The following FGF17 variants were observed in gnomAD, a reference collection of about 807,000 sequenced individuals.
FGF17 encodes the protein fibroblast growth factor 17.
A neutral mutation model predicts 23.5 loss-of-function variants in FGF17; 5 were observed. That is an observed-to-expected ratio of 0.21 (90% confidence interval 0.11 to 0.45). The LOEUF is 0.45. Ranked by LOEUF, FGF17 falls within the 20% of genes least tolerant of loss-of-function variation. The pLI, the probability that FGF17 is intolerant of heterozygous loss-of-function variation, is 0.99. For synonymous variants in FGF17, 136 were observed against 123.0 expected (o/e 1.11, Z -0.70); for missense variants, 221 against 306.9 (o/e 0.72, Z 2.09).
At position 22,043,181 on chromosome 8, in the gene FGF17, G is replaced by T; in HGVS notation, c.72G>T (p.Gln24His). Residue 24 changes from glutamine to histidine, a missense_variant and splice_region_variant, in exon 2 of 5, where the codon CAG becomes CAT. By Grantham distance (24) the Gln-to-His change is conservative. Around this residue, in one of 3 missense-constraint regions of FGF17, gnomAD observed 35 missense variants for 35.5 expected, o/e 0.99. Transcript: ENST00000359441. ...TGCTGATTCTCTGCTGTCAAACTCA[G>T]GTAGGCGGGCATTCCCACCGGCTTT... ...LQLLILCCQT[Q>H]GENHPSPNFN... 6.2e-7 allele frequency: 1 copy of T among 1,613,544 alleles called. No homozygotes were observed. Among genetic ancestry groups the T allele is most frequent in the East Asian group, 2.2e-5 (1 of 44,880 alleles).
intron 2 of FGF17, among the ~76,000 whole-genome samples, chr8:22,043,994 A>G (rs535307442): frequency 7.9e-5 from 12 of 151,818 alleles, no homozygotes; most frequent in Non-Finnish European, 1.0e-4. Context: ...GCAGCCTTTG[A>G]AGCAGTGGGG....
chr8:22,042,803 C>G (rs1348926952), upstream of FGF17: 11 of 879,394 alleles, frequency 1.3e-5, no homozygotes, highest in Admixed American at 2.3e-4. Flanking sequence ...CTCTCCTCCT[C>G]GCCCCCCTGA....
intron 2 of FGF17, chr8:22,044,966 G>C: frequency 3.0e-6 from 3 of 985,816 alleles, no homozygotes; most frequent in Non-Finnish European, 3.6e-6. Context: ...GCTGAGAAAA[G>C]CTGTCCCAGC....
upstream of FGF17, chr8:22,042,748 T>A (rs928981137): frequency 2.4e-5 from 14 of 593,406 alleles, no homozygotes; most frequent in African/African-American, 5.6e-5. Flanking sequence ...TACGCCCTCC[T>A]CCTCCCCCTC....
At position 22,048,297 on chromosome 8, in the gene FGF17, TC is replaced by T; in HGVS notation, c.*51del. ...CCCCTGGGCCGCCTCCCCACCCCTT[TC>T]CCTTCTTAATCCAAGGACTGGGCTG... On this transcript the variant is annotated 3_prime_UTR_variant, in exon 5 of 5. Transcript: ENST00000359441. The surrounding 1 kb of genome is among the most constrained non-coding windows in gnomAD (Gnocchi z 6.9). 1 of 1,449,792 alleles carries T rather than the reference TC, an allele frequency of 6.9e-7. No individual in the cohort carries two copies. The allele number at this position is 1,449,792 out of a possible 1,614,324, so 89.8% of individuals were successfully genotyped here. A position where few individuals can be genotyped will look rare whatever the true frequency, so the allele number is the denominator to read the frequency against.
upstream of FGF17, chr8:22,042,756 C>T (rs943236687): frequency 1.6e-6 from 1 of 638,248 alleles, no homozygotes; most frequent in Non-Finnish European, 2.8e-6. Context: ...CCTCCTCCCC[C>T]TCCTCCTCCC....
At chr8:22,044,655 C>T in intron 2 of FGF17, 1 of 984,276 alleles carries the variant, frequency 1.0e-6, no homozygotes, top group African/African-American at 1.7e-5. Context: ...CTGGGCAGGT[C>T]CCCCACCCCA....
upstream of FGF17, among the ~76,000 whole-genome samples, chr8:22,040,855 A>C (rs1800726261): frequency 6.6e-6 from 1 of 152,174 alleles, no homozygotes; most frequent in Non-Finnish European, 1.5e-5. Flanking sequence ...GTGAGGTTGA[A>C]GGTTTCTCAG....
intron 4 of FGF17, among the ~76,000 whole-genome samples, chr8:22,046,950 A>ATTTTT (rs3038873): frequency 0.094 from 11,336 of 120,126 alleles, 827 homozygotes; most frequent in South Asian, 0.13. Context: ...TGCCCAGCTA[A>ATTTTT]TTTTTTTTTT....
At chr8:22,045,386 CCTG>C in intron 2 of FGF17, 1 of 988,594 alleles carries the variant, frequency 1.0e-6, no homozygotes, top group Non-Finnish European at 1.2e-6. Flanking sequence ...ACCTTGCCTG[CCTG>C]CTGTCCCATA....
chr8:22,045,095 G>A lies in FGF17; in HGVS notation c.73-1019G>A, dbSNP rs985572754. 6.1e-6 allele frequency: 6 copies of A among 985,452 alleles called. No individual in the cohort carries two copies. In the African/African-American group the frequency reaches 1.0e-4, roughly 17 times the overall value. 61.0% of individuals were successfully genotyped at this position (985,452 alleles called of 1,614,324 possible). A position where few individuals can be genotyped will look rare whatever the true frequency, so the allele number is the denominator to read the frequency against. Reference sequence around the variant, plus strand: ...CCCGGGTCGCACCTTGCAGGATGGAGGGGAAGAAGTACTCAGTCTCTCCCA... The same window carrying A: ...CCCGGGTCGCACCTTGCAGGATGGAAGGGAAGAAGTACTCAGTCTCTCCCA... On this transcript the variant is annotated intron_variant, in intron 2 of 4. Coordinates refer to ENST00000359441, the MANE Select transcript of FGF17 (RefSeq NM_003867.4).
rs148312417 is a variant in FGF17, at chr8:22,048,057, C to T, written c.459C>T (p.Phe153=). Reference sequence around the variant, plus strand: ...GGCACGAGGGCTGGTTCATGGCCTTCACGCGGCAGGGGCGGCCCCGCCAGG... The same window carrying T: ...GGCACGAGGGCTGGTTCATGGCCTTTACGCGGCAGGGGCGGCCCCGCCAGG... ...NARHEGWFMA[F]TRQGRPRQAS... is the part of the protein sequence containing the mutation. Residue 153 remains phenylalanine (F), a synonymous_variant, in exon 5 of 5, where the codon TTC becomes TTT. Coordinates refer to ENST00000359441, the MANE Select transcript of FGF17 (RefSeq NM_003867.4). The surrounding 1 kb of genome is among the most constrained non-coding windows in gnomAD (Gnocchi z 6.9). 1.2e-6 allele frequency: 2 copies of T among 1,613,188 alleles called. No homozygotes were observed. The highest frequency in any genetic ancestry group is 1.7e-5 in the Admixed American group (1 of 59,990).
At chr8:22,046,765 C>T in intron 4 of FGF17, 132 bp downstream of exon 4, 2 of 655,278 alleles carry the variant, frequency 3.1e-6, no homozygotes, top group Non-Finnish European at 2.7e-6. Flanking sequence ...TACTCTCAGC[C>T]CACCCACTGG....
chr8:22,044,288 G>A (rs1033641004), intron 2 of FGF17, among the ~76,000 whole-genome samples: 1 of 152,134 alleles, frequency 6.6e-6, no homozygotes, highest in Non-Finnish European at 1.5e-5. Flanking sequence ...TGGGAGGGGG[G>A]GCCAGCAGGC....
upstream of FGF17, among the ~76,000 whole-genome samples, chr8:22,041,950 A>G (rs1372287397): frequency 1.3e-5 from 2 of 152,286 alleles, no homozygotes; most frequent in East Asian, 3.9e-4. Flanking sequence ...TAGCTCAGAG[A>G]GGCTCTAGGG....
At chr8:22,044,026 T>C (rs1044006957) in intron 2 of FGF17, among the ~76,000 whole-genome samples, 2 of 150,458 alleles carry the variant, frequency 1.3e-5, no homozygotes, top group Non-Finnish European at 3.0e-5. Context: ...GGAGAGACAA[T>C]TCCCCCCCCC....
chr8:22,044,002 G>T (rs890729654), intron 2 of FGF17, among the ~76,000 whole-genome samples: 1 of 151,906 alleles, frequency 6.6e-6, no homozygotes, highest in African/African-American at 2.4e-5. Context: ...TGAAGCAGTG[G>T]GGGGGTGGGA....
At chr8:22,047,824 G>A in intron 4 of FGF17, 132 bp from the exon 5 acceptor site, 1 of 815,616 alleles carries the variant, frequency 1.2e-6, no homozygotes, top group Non-Finnish European at 1.9e-6. Flanking sequence ...ATCTCACCAG[G>A]CAGAGTTCCC....
chr8:22,042,755 C>CCTCCTCCTCCCTCTTTTCT, upstream of FGF17: 1 of 635,826 alleles, frequency 1.6e-6, no homozygotes, highest in Admixed American at 2.6e-5. Context: ...TCCTCCTCCC[C>CCTCCTCCTCCCTCTTTTCT]CTCCTCCTCC....
Sources: gnomAD v4.1 joint callset for allele counts (sites outside exome capture counted in the v4.1 genomes callset) on GRCh38, gnomAD v4.1.1 for gene constraint, gnomAD v4.1.1 regional missense constraint, Gnocchi (gnomAD v3.1) non-coding constraint, MANE v1.5 for transcripts, NCBI Gene and HGNC (gene_info 2026-07-23, HGNC 2026-07-21) for gene names.